The following TTC39C variants were observed in gnomAD, a reference collection of about 807,000 sequenced individuals.
The protein encoded by TTC39C is tetratricopeptide repeat domain 39C.
In TTC39C, 33 loss-of-function variants were observed where a neutral mutation model predicts 76.3. The ratio of observed to expected loss-of-function variants is 0.43; its 90% confidence interval spans 0.33 to 0.58. The LOEUF (loss-of-function observed/expected upper bound fraction) is 0.58. Ranked by LOEUF, TTC39C falls within the 20% of genes least tolerant of loss-of-function variation. TTC39C has a pLI of 0.04. For missense variants in TTC39C, 595 were observed against 701.4 expected (o/e 0.85, Z 1.71); for synonymous variants, 254 against 260.6 (o/e 0.97, Z 0.24).
intron 5 of TTC39C, 109 bp from the exon 6 acceptor site, chr18:24,082,803 TA>T: frequency 8.6e-7 from 1 of 1,157,508 alleles, no homozygotes; most frequent in Non-Finnish European, 1.2e-6. Flanking sequence ...GACTGCATAG[TA>T]AGCTTTTTGG....
intron 1 of TTC39C, among the ~76,000 whole-genome samples, chr18:24,045,910 TA>T (rs1568417315): frequency 0.067 from 2,346 of 35,078 alleles, 223 homozygotes; most frequent in Non-Finnish European, 0.081. Flanking sequence ...TATATATATA[TA>T]TATATATATA....
intron 7 of TTC39C, among the ~76,000 whole-genome samples, chr18:24,116,819 GTTTTTTTTTTT>G (rs767138108): frequency 3.2e-5 from 3 of 95,070 alleles, no homozygotes; most frequent in African/African-American, 8.1e-5. Flanking sequence ...TGATACCTTA[GTTTTTTTTTTT>G]TTTTTTTTTT....
At chr18:24,100,842 A>G (rs1023943322) in intron 6 of TTC39C, among the ~76,000 whole-genome samples, 1 of 152,198 alleles carries the variant, frequency 6.6e-6, no homozygotes, top group African/African-American at 2.4e-5. Context: ...GGAATAAGTC[A>G]GGGTTTTCTG....
chr18:24,063,514 CTTTTTTT>C (rs541055847), intron 1 of TTC39C, among the ~76,000 whole-genome samples: 2 of 136,028 alleles, frequency 1.5e-5, no homozygotes, highest in Admixed American at 1.5e-4. Flanking sequence ...TTGTTTCTAC[CTTTTTTT>C]TTTTTTTTTG....
chr18:24,021,265 C>T (rs980539484), intron 1 of TTC39C, among the ~76,000 whole-genome samples: 6 of 152,268 alleles, frequency 3.9e-5, no homozygotes, highest in East Asian at 1.9e-4. Context: ...GAACTGGTCC[C>T]TGTCCTACAC....
At chr18:24,096,864 G>A (rs968288809) in intron 6 of TTC39C, among the ~76,000 whole-genome samples, 1 of 152,142 alleles carries the variant, frequency 6.6e-6, no homozygotes, top group African/African-American at 2.4e-5. Context: ...AGACTCTTTT[G>A]TAAGCGATGA....
rs116664160 is a variant in TTC39C at position 24,003,283 on chromosome 18, C to A, written c.-17+10245C>A. 5.6e-3 allele frequency among the ~76,000 whole-genome samples: 852 copies of A among 152,310 alleles called. 6 individuals carry two copies. Among genetic ancestry groups the A allele is most frequent in the African/African-American group, 0.019 (801 of 41,564 alleles). The stretch of plus-strand genomic sequence containing the variant: ...CCCCTCACAGGAAGCCTTCCATGAA[C>A]CCCCAGCTGGACTAATGCCCCTATT... On this transcript the variant is annotated intron_variant, in intron 1 of 13. Coordinates refer to the TTC39C transcript ENST00000304621.
At chr18:24,076,531 C>T (rs999426977) in intron 4 of TTC39C, among the ~76,000 whole-genome samples, 4 of 152,032 alleles carry the variant, frequency 2.6e-5, no homozygotes, top group African/African-American at 7.2e-5. Context: ...GCATTCTCCC[C>T]CAGCCTCTGC....
At chr18:24,082,684 C>A (rs2084391440) in intron 5 of TTC39C, among the ~76,000 whole-genome samples, 1 of 152,158 alleles carries the variant, frequency 6.6e-6, no homozygotes, top group South Asian at 2.1e-4. Flanking sequence ...ACTTTATTCT[C>A]TTCTCCCCTG....
In TTC39C at chr18:24,097,327, C is replaced by T. The variant is rs182743024; in HGVS notation, c.984+14246C>T. Among the ~76,000 whole-genome samples, 15 of 152,334 alleles carry T rather than the reference C, an allele frequency of 9.8e-5. No homozygotes were observed. In the East Asian group the frequency reaches 2.7e-3, roughly 27 times the overall value. On this transcript the variant is annotated intron_variant, in intron 6 of 13. Coordinates refer to ENST00000317571, the MANE Select transcript of TTC39C (RefSeq NM_001135993.2). ...TAGGCCACTCCCACCTCTTTGTAGC[C>T]ATTGCTTAGATTGTGCTTTGTCTTC...
At chr18:24,112,953 T>C (rs2084834556) in intron 6 of TTC39C, among the ~76,000 whole-genome samples, 1 of 152,212 alleles carries the variant, frequency 6.6e-6, no homozygotes, top group East Asian at 1.9e-4. Flanking sequence ...CCATAAAGGA[T>C]TGATTTTTTT....
chr18:24,004,620 G>A (rs1054264951), intron 1 of TTC39C, among the ~76,000 whole-genome samples: 5 of 152,106 alleles, frequency 3.3e-5, no homozygotes, highest in Non-Finnish European at 7.4e-5. Flanking sequence ...ATTTTTTAAA[G>A]TCATCACATG....
upstream of TTC39C, chr18:24,014,492 G>T: frequency 6.1e-6 from 1 of 162,926 alleles, no homozygotes; most frequent in Non-Finnish European, 1.3e-5. Context: ...GGAGGGGCCG[G>T]GGCGCGGGGG....
intron 4 of TTC39C, among the ~76,000 whole-genome samples, chr18:24,079,777 T>C (rs1293920032): frequency 6.6e-6 from 1 of 150,730 alleles, no homozygotes; most frequent in Admixed American, 6.7e-5. Context: ...GACGCAATGC[T>C]TGGTGCTTGG....
intron 4 of TTC39C, among the ~76,000 whole-genome samples, chr18:24,079,300 C>G (rs75220508): frequency 0.03 from 4,614 of 152,236 alleles, 96 homozygotes; most frequent in South Asian, 0.091. Context: ...CTAGCCCTTC[C>G]TACTCATCTG....
In TTC39C at chr18:23,994,120, A is replaced by T. The variant is rs557617491; in HGVS notation, c.-17+1082A>T. The stretch of plus-strand genomic sequence containing the variant: ...AAATGAAGGCTAAAAACAGAGGGAA[A>T]CAATTTCCCAGTGCAAAAGATTTTC... On this transcript the variant is annotated intron_variant, in intron 1 of 13. Transcript: ENST00000304621. 10 of 152,306 alleles carry T rather than the reference A, an allele frequency of 6.6e-5. No individual in the cohort carries two copies. The South Asian group carries it at 1.2e-3, about 19-fold the overall frequency. 9.4% of individuals were successfully genotyped at this position (152,306 alleles called of 1,614,324 possible). A position where few individuals can be genotyped will look rare whatever the true frequency, so the allele number is the denominator to read the frequency against.
rs184426321 is a variant in TTC39C at position 24,119,846 on chromosome 18, G to A, written c.1186+1614G>A. ...AAAAGAGAGGCCTGCACACAACTCC[G>A]CAGCCATTAGGTGTAATTGGGCCGC... is the stretch of plus-strand genomic sequence containing the variant. On this transcript the variant is annotated intron_variant, in intron 8 of 13. Transcript: ENST00000317571. Among the ~76,000 whole-genome samples the A allele has an allele frequency of 7.7e-4, 118 of 152,262 alleles. 1 individual carries two copies. The highest frequency in any genetic ancestry group is 1.7e-3 in the South Asian group (8 of 4,828).
chr18:24,035,635 G>A (rs1250654727), intron 1 of TTC39C, among the ~76,000 whole-genome samples: 1 of 152,076 alleles, frequency 6.6e-6, no homozygotes, highest in Non-Finnish European at 1.5e-5. Context: ...TTTGGTTTTT[G>A]TGTTGTTGAG....
chr18:24,115,303 C>T (rs769796232), intron 7 of TTC39C, among the ~76,000 whole-genome samples: 2 of 152,220 alleles, frequency 1.3e-5, no homozygotes, highest in Non-Finnish European at 2.9e-5. Context: ...TCTTTGCTGA[C>T]TGCACTAAAA....
Sources: gnomAD v4.1 joint callset for allele counts (sites outside exome capture counted in the v4.1 genomes callset) on GRCh38, gnomAD v4.1.1 for gene constraint, MANE v1.5 for transcripts, NCBI Gene and HGNC (gene_info 2026-07-23, HGNC 2026-07-21) for gene names.